The following PLEKHG4B variants were observed in gnomAD, a reference collection of about 807,000 sequenced individuals.
PLEKHG4B encodes pleckstrin homology and RhoGEF domain containing G4B.
In PLEKHG4B, 111 loss-of-function variants were observed where a neutral mutation model predicts 121.3. The observed-to-expected ratio is 0.92, with a 90% CI of 0.78 to 1.07. The LOEUF is 1.07. PLEKHG4B is among the 50% of genes least tolerant of loss of function. The pLI, the probability that PLEKHG4B is intolerant of heterozygous loss-of-function variation, is 0.00. For synonymous variants in PLEKHG4B, 738 were observed against 725.0 expected (o/e 1.02, Z -0.29); for missense variants, 1,831 against 1,757.8 (o/e 1.04, Z -0.74).
At chr5:102,733 T>C (rs951149410) in intron 1 of PLEKHG4B, among the ~76,000 whole-genome samples, 2 of 152,190 alleles carry the variant, frequency 1.3e-5, no homozygotes, top group African/African-American at 4.8e-5. Flanking sequence ...GAGTATCTCT[T>C]TATAGCAGTG....
At chr5:104,099 CA>C in intron 1 of PLEKHG4B, among the ~76,000 whole-genome samples, 1 of 139,336 alleles carries the variant, frequency 7.2e-6, no homozygotes, top group Middle Eastern at 3.4e-3. Flanking sequence ...TAAACAACCA[CA>C]GCCAGTCCCA....
At position 140,444 on chromosome 5, in the gene PLEKHG4B, C is replaced by T. The variant is rs763120240; in HGVS notation, c.1205C>T (p.Ser402Phe). The change falls in exon 3 of 20, where the codon TCT becomes TTT. Residue 402 changes from serine (S) to phenylalanine (F), a missense_variant. Physicochemically the swap from Ser to Phe is radical, Grantham distance 155. Transcript: ENST00000637938. Reference protein sequence around the residue: ...AVASGTQEETSGPRGDPQQTP... With the variant: ...AVASGTQEETFGPRGDPQQTP... ...GCCAGTGGGACCCAGGAGGAAACCT[C>T]TGGCCCCCGGGGAGACCCCCAACAG... 1 of 1,575,874 alleles carries T rather than the reference C, an allele frequency of 6.3e-7. No homozygotes were observed. Among genetic ancestry groups the T allele is most frequent in the South Asian group, 1.2e-5 (1 of 86,214 alleles).
At chr5:144,758 G>A in intron 5 of PLEKHG4B, 69 bp from the exon 6 acceptor site, 2 of 1,363,142 alleles carry the variant, frequency 1.5e-6, no homozygotes, top group South Asian at 2.4e-5. Flanking sequence ...AGCCTCAGAG[G>A]TGGAGAAACT....
rs971451584 is a variant in PLEKHG4B at position 164,628 on chromosome 5, G to A, written c.3476+1080G>A. On this transcript the variant is annotated intron_variant, in intron 13 of 19. Transcript: ENST00000637938. ...GAGCTCACAGTAATGCTGTGACGGA[G>A]CGGAGCTCACACTAATGCTCTGACG... is the stretch of plus-strand genomic sequence containing the variant. 1.2e-4 allele frequency among the ~76,000 whole-genome samples: 17 copies of A among 142,272 alleles called. 1 individual carries two copies. Among genetic ancestry groups the A allele is most frequent in the African/African-American group, 4.3e-4 (17 of 39,202 alleles). The allele number at this position is 142,272 out of a possible 152,430, so 93.3% of individuals were successfully genotyped here.
At position 143,413 on chromosome 5, in the gene PLEKHG4B, A is replaced by C; in HGVS notation, c.1721A>C (p.Gln574Pro). 1 of 1,612,830 alleles carries C rather than the reference A, an allele frequency of 6.2e-7. No homozygotes were observed. Among genetic ancestry groups the C allele is most frequent in the East Asian group, 2.2e-5 (1 of 44,878 alleles). ...TRDRHGRAVV[Q>P]VRTRSLLWTR... ...GACCGTCATGGCAGAGCAGTGGTGC[A>C]GGTCCGCACCAGGAGCCTGCTCTGG... The change falls in exon 5 of 20, where the codon CAG becomes CCG. Residue 574 changes from glutamine to proline, a missense_variant. By Grantham distance (76) the Gln-to-Pro change is moderately conservative. Coordinates refer to ENST00000637938, the MANE Select transcript of PLEKHG4B (RefSeq NM_052909.5).
intron 2 of PLEKHG4B, among the ~76,000 whole-genome samples, chr5:128,822 A>G (rs1734695957): frequency 6.6e-6 from 1 of 152,192 alleles, no homozygotes; most frequent in Non-Finnish European, 1.5e-5. Context: ...ATGAAATTCT[A>G]AGTCCCCCAC....
At chr5:181,835 A>C (rs527973106) in intron 19 of PLEKHG4B, among the ~76,000 whole-genome samples, 160 bp downstream of exon 19, 1 of 152,248 alleles carries the variant, frequency 6.6e-6, no homozygotes, top group South Asian at 2.1e-4. Context: ...CCCCGCCCTC[A>C]CTCATCCTGC....
chr5:135,678 AAAAAAT>A (rs1734947668), intron 2 of PLEKHG4B, among the ~76,000 whole-genome samples: 5 of 51,700 alleles, frequency 9.7e-5, no homozygotes, highest in Non-Finnish European at 1.8e-4. Context: ...AAAAAAAAAA[AAAAAAT>A]ATATATATAT....
intron 6 of PLEKHG4B, among the ~76,000 whole-genome samples, chr5:149,249 C>G (rs1217931679): frequency 1.3e-5 from 2 of 152,054 alleles, no homozygotes; most frequent in African/African-American, 4.8e-5. Flanking sequence ...AAATGTGCAT[C>G]AAAAGACTAC....
At chr5:115,161 G>A (rs1433859235) in intron 2 of PLEKHG4B, among the ~76,000 whole-genome samples, 1 of 152,214 alleles carries the variant, frequency 6.6e-6, no homozygotes, top group Non-Finnish European at 1.5e-5. Flanking sequence ...TGGATTTTGT[G>A]TTACCACAGA....
chr5:134,121 A>G (rs1380265727), intron 2 of PLEKHG4B, among the ~76,000 whole-genome samples: 13 of 101,752 alleles, frequency 1.3e-4, no homozygotes, highest in East Asian at 3.0e-4. Context: ...ATATATATAT[A>G]TGTGATGGAA....
At chr5:145,521 C>A (rs142147375) in intron 6 of PLEKHG4B, among the ~76,000 whole-genome samples, 1 of 152,308 alleles carries the variant, frequency 6.6e-6, no homozygotes, top group African/African-American at 2.4e-5. Context: ...CCACCATGCC[C>A]GGCTAATTTT....
intron 1 of PLEKHG4B, among the ~76,000 whole-genome samples, chr5:93,235 T>A (rs115710548): frequency 0.016 from 2,434 of 152,282 alleles, 73 homozygotes; most frequent in African/African-American, 0.055. Flanking sequence ...TCAAGATTCC[T>A]GGGAAGGTAG....
chr5:95,632 A>G (rs532734840), intron 1 of PLEKHG4B, among the ~76,000 whole-genome samples: 3 of 152,126 alleles, frequency 2.0e-5, no homozygotes, highest in Non-Finnish European at 4.4e-5. Flanking sequence ...TTTGGTGGCT[A>G]TGCAGATGGG....
At position 92,192 on chromosome 5, in the gene PLEKHG4B, T is replaced by G. The variant is rs1733472224; in HGVS notation, c.-40T>G. 2.7e-6 allele frequency: 1 copy of G among 375,488 alleles called. No individual in the cohort carries two copies. Among genetic ancestry groups the G allele is most frequent in the Non-Finnish European group, 4.7e-6 (1 of 212,196 alleles). The allele number at this position is 375,488 out of a possible 1,614,324, so 23.3% of individuals were successfully genotyped here. ...CAGTGCACAGCGGGACCAGGCAGAG[T>G]TCGGGGAAAGCGTCGGAGTTCGGGA... On this transcript the variant is annotated 5_prime_UTR_variant, in exon 1 of 20. Transcript: ENST00000637938.
chr5:110,424 C>A (rs1734115993), intron 1 of PLEKHG4B, among the ~76,000 whole-genome samples: 1 of 150,442 alleles, frequency 6.6e-6, no homozygotes, highest in Non-Finnish European at 1.5e-5. Flanking sequence ...CAATCTGCAA[C>A]ACACGTGCAC....
rs1490821152 is a variant in PLEKHG4B at position 182,282 on chromosome 5, G to A, written c.4843G>A (p.Gly1615Arg). 6.2e-7 allele frequency: 1 copy of A among 1,612,352 alleles called. No individual in the cohort carries two copies. Among genetic ancestry groups the A allele is most frequent in the African/African-American group, 1.3e-5 (1 of 75,028 alleles). Residue 1615 changes from glycine (G) to arginine (R), a missense_variant, in exon 20 of 20, where the codon GGG (glycine) becomes AGG (arginine). By Grantham distance (125) the Gly-to-Arg change is moderately radical. Transcript: ENST00000637938. ...GGGCACCCAGGCTGCAGTGTGTGAGGGGGCTCCTGCTGTGCTGCTGAGCCG... is the reference window on the plus strand; with the variant it reads ...GGGCACCCAGGCTGCAGTGTGTGAGAGGGCTCCTGCTGTGCTGCTGAGCCG... ...ETGTQAAVCE[G>R]APAVLLSRTR... is the part of the protein sequence containing the mutation.
In PLEKHG4B at chr5:156,532, C is replaced by T. The variant is rs1347135770; in HGVS notation, c.2349-241C>T. On this transcript the variant is annotated intron_variant, in intron 10 of 19. Transcript: ENST00000637938. This position sits in a 1 kb window ranked among gnomAD's most constrained non-coding sequence, Gnocchi z 4.4. Reference sequence around the variant, plus strand: ...TCCATCTCAGCTGCACACAGCCAGTCCCGCCTAAGCTGCCCCACCTGGGTC... The same window carrying T: ...TCCATCTCAGCTGCACACAGCCAGTTCCGCCTAAGCTGCCCCACCTGGGTC... Among the ~76,000 whole-genome samples, 2 of 152,004 alleles carry T rather than the reference C, an allele frequency of 1.3e-5. No homozygotes were observed. The highest frequency in any genetic ancestry group is 2.9e-5 in the Non-Finnish European group (2 of 68,012).
intron 2 of PLEKHG4B, among the ~76,000 whole-genome samples, chr5:124,213 A>G (rs1407795343): frequency 1.3e-5 from 2 of 151,948 alleles, no homozygotes; most frequent in Non-Finnish European, 2.9e-5. Context: ...AATTTGTATG[A>G]TATCTATCTT....
Sources: allele counts gnomAD v4.1 joint callset (sites outside exome capture counted in the v4.1 genomes callset), GRCh38; gene constraint gnomAD v4.1.1; non-coding constraint Gnocchi (gnomAD v3.1); transcripts MANE v1.5; gene names NCBI Gene and HGNC (gene_info 2026-07-23, HGNC 2026-07-21).